Variants in IQSEC1 observed in about 807,000 individuals in gnomAD.
IQSEC1 encodes the protein IQ motif and SEC7 domain-containing protein 1.
IQSEC1 carries 31 observed loss-of-function variants against 91.0 expected under a neutral mutation model. The observed-to-expected ratio is 0.34, with a 90% CI of 0.26 to 0.46. The LOEUF (loss-of-function observed/expected upper bound fraction) is 0.46, where lower values mean the gene tolerates loss of function less well. Ranked by LOEUF, IQSEC1 falls within the 20% of genes least tolerant of loss-of-function variation. The pLI, the probability that IQSEC1 is intolerant of heterozygous loss-of-function variation, is 1.00. For missense variants in IQSEC1, 1,388 were observed against 1,575.6 expected (o/e 0.88, Z 2.02); for synonymous variants, 699 against 662.6 (o/e 1.05, Z -0.84).
At chr3:13,223,773 G>A (rs146517387) in intron 1 of IQSEC1, among the ~76,000 whole-genome samples, 69 of 152,224 alleles carry the variant, frequency 4.5e-4, no homozygotes, top group African/African-American at 1.5e-3. Flanking sequence ...CTGCATTCCA[G>A]ACTTTACACC....
chr3:13,052,784 T>C (rs891030252), intron 1 of IQSEC1, among the ~76,000 whole-genome samples: 1 of 151,602 alleles, frequency 6.6e-6, no homozygotes, highest in African/African-American at 2.4e-5. Context: ...AAATGAAAGG[T>C]CTCACATATT....
chr3:12,910,699 G>A (rs1695477662), intron 10 of IQSEC1, among the ~76,000 whole-genome samples: 1 of 152,246 alleles, frequency 6.6e-6, no homozygotes, highest in Non-Finnish European at 1.5e-5. Flanking sequence ...GAAGACTGAA[G>A]GGGACAGAGA....
At chr3:13,238,958 T>C (rs1013320166) in intron 1 of IQSEC1, among the ~76,000 whole-genome samples, 3 of 152,166 alleles carry the variant, frequency 2.0e-5, no homozygotes, top group South Asian at 2.1e-4. Context: ...AGGAGGGGGA[T>C]TGTGCTTCAA....
At chr3:13,094,272 C>A (rs1330787228) in intron 2 of IQSEC1, among the ~76,000 whole-genome samples, 1 of 152,018 alleles carries the variant, frequency 6.6e-6, no homozygotes, top group Non-Finnish European at 1.5e-5. Flanking sequence ...CTGCATCAGG[C>A]CTTGAAGGAT....
At chr3:13,240,885 G>A (rs572119289) in intron 1 of IQSEC1, among the ~76,000 whole-genome samples, 29 of 152,282 alleles carry the variant, frequency 1.9e-4, no homozygotes, top group Admixed American at 6.5e-4. Context: ...CAGATCCAAG[G>A]GGCGCCCTCC....
intron 2 of IQSEC1, among the ~76,000 whole-genome samples, chr3:13,127,533 A>G (rs371906652): frequency 6.6e-6 from 1 of 152,026 alleles, no homozygotes; most frequent in Non-Finnish European, 1.5e-5. Flanking sequence ...GTAGCTATAT[A>G]TTAAGTCTTA....
intron 2 of IQSEC1, among the ~76,000 whole-genome samples, chr3:13,097,741 A>C (rs1438685740): frequency 6.6e-6 from 1 of 152,202 alleles, no homozygotes; most frequent in Non-Finnish European, 1.5e-5. Flanking sequence ...GCAGGGCTGA[A>C]CATTTTTTTT....
chr3:12,971,220 T>C (rs995736923), intron 1 of IQSEC1, among the ~76,000 whole-genome samples: 1 of 152,162 alleles, frequency 6.6e-6, no homozygotes, highest in African/African-American at 2.4e-5. Context: ...GCAAACCCCC[T>C]GCGTGTTCAG....
rs200181420 is a variant in IQSEC1 at position 13,225,648 on chromosome 3, A to G, written c.272+57063T>C. 4.5e-4 allele frequency among the ~76,000 whole-genome samples: 68 copies of G among 152,312 alleles called. No individual in the cohort carries two copies. The East Asian group carries it at 0.013, about 28-fold the overall frequency. On this transcript the variant is annotated intron_variant, in intron 1 of 15. Coordinates refer to the IQSEC1 transcript ENST00000648114. The stretch of plus-strand genomic sequence containing the variant: ...AAATAAAGAATAGATCCCTGCCATG[A>G]AGAAACTCAAGGATAAGTGAAGATT...
At chr3:13,235,363 A>G (rs1382250740) in intron 1 of IQSEC1, among the ~76,000 whole-genome samples, 2 of 152,028 alleles carry the variant, frequency 1.3e-5, no homozygotes, top group African/African-American at 2.4e-5. Context: ...AATCCCAACC[A>G]CTGCTGCTGG....
chr3:13,047,396 G>A (rs973615036), intron 1 of IQSEC1: 17 of 780,688 alleles, frequency 2.2e-5, no homozygotes, highest in Admixed American at 6.2e-5. Flanking sequence ...AAGGGCTCTT[G>A]GAGGCCTGCC....
chr3:13,273,092 C>T (rs1695615842), intron 1 of IQSEC1, among the ~76,000 whole-genome samples: 1 of 152,142 alleles, frequency 6.6e-6, no homozygotes, highest in Non-Finnish European at 1.5e-5. Context: ...GTTTTATAAC[C>T]CCATTTTACA....
Position 13,242,739 on chromosome 3 carries a change from C to T in IQSEC1, c.272+39972G>A, listed in dbSNP as rs116483672. On this transcript the variant is annotated intron_variant, in intron 1 of 15. Coordinates refer to the IQSEC1 transcript ENST00000648114. ...TTCAATAAAGTGGCTCACCTGAAAACGAAGCCTTTTCCTTTGTGAAGCCCC... is the reference window on the plus strand; with the variant it reads ...TTCAATAAAGTGGCTCACCTGAAAATGAAGCCTTTTCCTTTGTGAAGCCCC... Among the ~76,000 whole-genome samples, 572 of 152,316 alleles carry T rather than the reference C, an allele frequency of 3.8e-3. 2 individuals are homozygous for T. The highest frequency in any genetic ancestry group is 0.01 in the Admixed American group (160 of 15,312).
chr3:12,977,454 A>G (rs958840118), intron 1 of IQSEC1, among the ~76,000 whole-genome samples: 9 of 152,186 alleles, frequency 5.9e-5, no homozygotes, highest in South Asian at 2.1e-4. Context: ...GCTTATCTGC[A>G]TATGAAAATG....
At chr3:13,237,284 C>T (rs1326175817) in intron 1 of IQSEC1, among the ~76,000 whole-genome samples, 2 of 151,952 alleles carry the variant, frequency 1.3e-5, no homozygotes, top group East Asian at 1.9e-4. Flanking sequence ...ACTGAGCTGA[C>T]AGCAGGGACA....
At chr3:13,015,903 G>A (rs1349242714) in intron 1 of IQSEC1, among the ~76,000 whole-genome samples, 3 of 152,224 alleles carry the variant, frequency 2.0e-5, no homozygotes, top group African/African-American at 4.8e-5. Context: ...GTGCCTGATC[G>A]TGTTTCAGGG....
intron 1 of IQSEC1, among the ~76,000 whole-genome samples, chr3:13,024,640 C>T (rs749429065): frequency 4.0e-5 from 6 of 150,516 alleles, no homozygotes; most frequent in Admixed American, 6.6e-5. Context: ...TCCACCCATC[C>T]GTCCATCATC....
intron 2 of IQSEC1, among the ~76,000 whole-genome samples, chr3:13,080,191 C>T (rs1705626751): frequency 6.6e-6 from 1 of 152,182 alleles, no homozygotes; most frequent in East Asian, 1.9e-4. Context: ...AATAGATCCC[C>T]TCATGGGGGA....
At position 12,909,744 on chromosome 3, in the gene IQSEC1, G is replaced by T. The variant is rs962971094; in HGVS notation, c.2417-310C>A. ...CTGAGAAAGGTGGGAGTCTTCTCTA[G>T]TCATCTCAGTTCTGGACAGCAGTGA... On this transcript the variant is annotated intron_variant, in intron 10 of 13. Coordinates refer to ENST00000613206, the MANE Select transcript of IQSEC1 (RefSeq NM_001134382.3). The surrounding 1 kb of genome is among the most constrained non-coding windows in gnomAD (Gnocchi z 4.9). Among the ~76,000 whole-genome samples the T allele has an allele frequency of 6.6e-6, 1 of 152,236 alleles. No individual in the cohort carries two copies.
Sources: allele counts gnomAD v4.1 joint callset (sites outside exome capture counted in the v4.1 genomes callset), GRCh38; gene constraint gnomAD v4.1.1; non-coding constraint Gnocchi (gnomAD v3.1); transcripts MANE v1.5; gene names NCBI Gene and HGNC (gene_info 2026-07-23, HGNC 2026-07-21).